The following ANTXR1 variants were observed in gnomAD, a reference collection of about 807,000 sequenced individuals.
ANTXR1 encodes the protein ANTXR cell adhesion molecule 1.
ANTXR1 carries 19 observed loss-of-function variants against 78.1 expected under a neutral mutation model. The observed-to-expected ratio is 0.24, with a 90% CI of 0.17 to 0.36. ANTXR1 has a LOEUF of 0.36. ANTXR1 is among the 10% of genes least tolerant of loss of function. The pLI, the probability that ANTXR1 is intolerant of heterozygous loss-of-function variation, is 1.00. For synonymous variants in ANTXR1, 273 were observed against 260.5 expected, an observed-to-expected ratio of 1.05 and a Z score of -0.46; for missense variants, 518 against 718.6, an observed-to-expected ratio of 0.72 and a Z score of 3.19.
intron 14 of ANTXR1, among the ~76,000 whole-genome samples, chr2:69,178,283 A>C (rs1674185139): frequency 6.6e-6 from 1 of 152,220 alleles, no homozygotes; most frequent in Non-Finnish European, 1.5e-5. Context: ...AAACAGACCC[A>C]TGCTAACTGC....
chr2:69,124,427 C>A, intron 11 of ANTXR1, 138 bp from the exon 12 acceptor site: 1 of 773,670 alleles, frequency 1.3e-6, no homozygotes, highest in Non-Finnish European at 2.3e-6. Context: ...AAACTCAGAC[C>A]CCTCCTCCCC....
At chr2:69,240,335 C>T (rs901785010) in intron 17 of ANTXR1, among the ~76,000 whole-genome samples, 1 of 152,248 alleles carries the variant, frequency 6.6e-6, no homozygotes, top group Non-Finnish European at 1.5e-5. Context: ...TAATGGGAAA[C>T]ATTTAGAGTA....
rs1015386236 is a variant in ANTXR1 at position 69,028,402 on chromosome 2, A to G, written c.153-11642A>G. On this transcript the variant is annotated intron_variant, in intron 1 of 17. Transcript: ENST00000303714. ...TTAAATGGTGAATTTTGATTGACAC[A>G]ATTAATCTTTTATGATGGATAAAAT... Among the ~76,000 whole-genome samples, 4 of 152,208 alleles carry G rather than the reference A, an allele frequency of 2.6e-5. 1 individual carries two copies. The highest frequency in any genetic ancestry group is 9.6e-5 in the African/African-American group (4 of 41,460).
intron 12 of ANTXR1, among the ~76,000 whole-genome samples, chr2:69,146,971 G>A (rs1478495782): frequency 3.3e-5 from 5 of 152,246 alleles, no homozygotes; most frequent in Admixed American, 2.0e-4. Context: ...GGTGCAATCC[G>A]GGAAGGAGAT....
intron 17 of ANTXR1, among the ~76,000 whole-genome samples, chr2:69,203,292 A>G (rs965817153): frequency 3.9e-5 from 6 of 152,242 alleles, no homozygotes; most frequent in African/African-American, 1.2e-4. Context: ...TGGCACAGCC[A>G]TCTTCCCTGG....
chr2:69,032,996 C>G (rs1377190249), intron 1 of ANTXR1, among the ~76,000 whole-genome samples: 1 of 152,058 alleles, frequency 6.6e-6, no homozygotes. Flanking sequence ...TTAATGTTAG[C>G]AATGTCCCAT....
chr2:69,035,104 A>C (rs1671642105), intron 1 of ANTXR1, among the ~76,000 whole-genome samples: 1 of 152,068 alleles, frequency 6.6e-6, no homozygotes, highest in African/African-American at 2.4e-5. Flanking sequence ...TTCAACAGAA[A>C]GTCTAAACTG....
intron 8 of ANTXR1, among the ~76,000 whole-genome samples, chr2:69,088,275 G>A (rs1305406447): frequency 2.0e-5 from 3 of 152,138 alleles, no homozygotes; most frequent in Non-Finnish European, 4.4e-5. Context: ...TTGAAACTCG[G>A]GTTGGGTAAA....
intron 12 of ANTXR1, among the ~76,000 whole-genome samples, chr2:69,146,704 T>C (rs1248420067): frequency 1.3e-5 from 2 of 152,218 alleles, no homozygotes; most frequent in African/African-American, 2.4e-5. Flanking sequence ...TCTGAACTTG[T>C]GAGTCAGGGA....
At chr2:69,038,617 G>T (rs1669519572) in intron 1 of ANTXR1, among the ~76,000 whole-genome samples, 1 of 152,164 alleles carries the variant, frequency 6.6e-6, no homozygotes, top group Non-Finnish European at 1.5e-5. Context: ...GAATGTGTAT[G>T]TGAATATATT....
chr2:69,070,564 T>C, intron 3 of ANTXR1, 83 bp from the exon 4 acceptor site: 2 of 1,271,718 alleles, frequency 1.6e-6, no homozygotes, highest in Non-Finnish European at 2.3e-6. Context: ...TCCACAGAGG[T>C]AAGAAGAAGA....
At chr2:69,215,461 A>T (rs1184574575) in intron 17 of ANTXR1, among the ~76,000 whole-genome samples, 1 of 152,162 alleles carries the variant, frequency 6.6e-6, no homozygotes, top group African/African-American at 2.4e-5. Context: ...CATTCATTAC[A>T]TGCTTATCTC....
chr2:69,226,623 T>C (rs1675461875), intron 17 of ANTXR1, among the ~76,000 whole-genome samples: 1 of 152,176 alleles, frequency 6.6e-6, no homozygotes, highest in Non-Finnish European at 1.5e-5. Context: ...CTTGTTATCC[T>C]GGTAAGGGTT....
At chr2:69,070,015 T>C (rs1253961693) in intron 3 of ANTXR1, among the ~76,000 whole-genome samples, 1 of 152,196 alleles carries the variant, frequency 6.6e-6, no homozygotes, top group Non-Finnish European at 1.5e-5. Context: ...TCCACAAAGA[T>C]TCCATTTGGC....
At chr2:69,088,595 C>G (rs1671129047) in intron 8 of ANTXR1, among the ~76,000 whole-genome samples, 1 of 152,068 alleles carries the variant, frequency 6.6e-6, no homozygotes, top group South Asian at 2.1e-4. Flanking sequence ...CTGAAGTACC[C>G]CATCAAACAG....
rs149964855 is a variant in ANTXR1 at position 69,145,857 on chromosome 2, G to A, written c.952-6312G>A. The A allele has an allele frequency of 3.7e-3, 3,669 of 986,324 alleles. 9 individuals are homozygous for A. The highest frequency in any genetic ancestry group is 8.4e-3 in the Admixed American group (137 of 16,358). The allele number at this position is 986,324 out of a possible 1,614,324, so 61.1% of individuals were successfully genotyped here. On this transcript the variant is annotated intron_variant, in intron 12 of 17. Coordinates refer to ENST00000303714, the MANE Select transcript of ANTXR1 (RefSeq NM_032208.3). ...AGCCCTGGCAAGATATTTCACTCCC[G>A]CCCCATGCCATGCATTAAAAATCCA...
At chr2:69,165,594 G>A (rs1482038441) in intron 13 of ANTXR1, among the ~76,000 whole-genome samples, 1 of 152,236 alleles carries the variant, frequency 6.6e-6, no homozygotes, top group Non-Finnish European at 1.5e-5. Flanking sequence ...GGCAAAACAG[G>A]GGACCACAAG....
At chr2:69,143,957 T>C (rs1673146124) in intron 12 of ANTXR1, among the ~76,000 whole-genome samples, 1 of 152,128 alleles carries the variant, frequency 6.6e-6, no homozygotes, top group African/African-American at 2.4e-5. Context: ...CTACCAGAAA[T>C]AACAGAATAT....
chr2:69,020,654 G>A (rs1305620504), intron 1 of ANTXR1, among the ~76,000 whole-genome samples: 2 of 152,182 alleles, frequency 1.3e-5, no homozygotes, highest in African/African-American at 4.8e-5. Flanking sequence ...TGCTAATTTA[G>A]AATGTGTGTC....
Sources: allele counts gnomAD v4.1 joint callset (sites outside exome capture counted in the v4.1 genomes callset), GRCh38; gene constraint gnomAD v4.1.1; transcripts MANE v1.5; gene names NCBI Gene and HGNC (gene_info 2026-07-23, HGNC 2026-07-21).